Variants in COL16A1 observed in about 807,000 individuals in gnomAD.
COL16A1 encodes collagen type XVI alpha 1 chain.
COL16A1 carries 189 observed loss-of-function variants against 266.3 expected under a neutral mutation model. The observed-to-expected ratio is 0.71, with a 90% CI of 0.63 to 0.80. The LOEUF is 0.80. COL16A1 is among the 30% of genes least tolerant of loss of function. The pLI, the probability that COL16A1 is intolerant of heterozygous loss-of-function variation, is 0.00. For synonymous variants in COL16A1, 740 were observed against 782.3 expected (o/e 0.95, Z 0.90); for missense variants, 1,928 against 2,122.4 (o/e 0.91, Z 1.80).
chr1:31,662,192 G>A (rs1641728779), intron 58 of COL16A1, 142 bp downstream of exon 58: 2 of 1,465,684 alleles, frequency 1.4e-6, no homozygotes, highest in Non-Finnish European at 1.9e-6. Flanking sequence ...TGGGGTAGAG[G>A]GAGACAGACC....
Position 31,703,999 on chromosome 1 carries a change from C to CGCACGCCTG in COL16A1, c.-206_-198dup, listed in dbSNP as rs1644812253. 1 of 152,444 alleles carries CGCACGCCTG rather than the reference C, an allele frequency of 6.6e-6. No individual in the cohort carries two copies. Among genetic ancestry groups the CGCACGCCTG allele is most frequent in the Non-Finnish European group, 1.5e-5 (1 of 68,220 alleles). The allele number at this position is 152,444 out of a possible 1,614,324, so 9.4% of individuals were successfully genotyped here. On this transcript the variant is annotated 5_prime_UTR_variant, in exon 1 of 71. Transcript: ENST00000373672. ...GCTCTCCCGGCTGTCTGCTGCCCGG[C>CGCACGCCTG]GCACGCCTGCCGGGGACTGCCGGCC... is the stretch of plus-strand genomic sequence containing the variant.
chr1:31,668,892 G>A lies in COL16A1; in HGVS notation c.3196-37C>T, dbSNP rs1263168221. On this transcript the variant is annotated intron_variant, in intron 49 of 70. Coordinates refer to ENST00000373672, the MANE Select transcript of COL16A1 (RefSeq NM_001856.4). This position sits in a 1 kb window ranked among gnomAD's most constrained non-coding sequence, Gnocchi z 5.8. ...AAATCATGAGAAACTGCAGGAGCCG[G>A]CGGTCCCCACCCAGCCCCTGACTCC... The A allele has an allele frequency of 1.3e-6, 2 of 1,598,720 alleles. No individual in the cohort carries two copies. The highest frequency in any genetic ancestry group is 2.2e-5 in the East Asian group (1 of 44,720).
chr1:31,675,117 G>A (rs1478038064), intron 43 of COL16A1, 78 bp from the exon 44 acceptor site: 2 of 1,610,984 alleles, frequency 1.2e-6, no homozygotes, highest in Admixed American at 3.4e-5. Flanking sequence ...GAGAGCCTTG[G>A]GACACGTCAT....
intron 47 of COL16A1, among the ~76,000 whole-genome samples, chr1:31,672,164 C>T (rs1004819932): frequency 6.6e-6 from 1 of 152,102 alleles, no homozygotes; most frequent in Non-Finnish European, 1.5e-5. Flanking sequence ...ACATTTGAGC[C>T]GAGCTGAAGG....
In COL16A1 at chr1:31,686,297, A is replaced by C. The variant is rs1643971179; in HGVS notation, c.1804-18T>G. Reference sequence around the variant, plus strand: ...AAGTTACCCTGAGAGAAAGCACAGAAACCATGATTAAAGAGGGGATGGAGT... The same window carrying C: ...AAGTTACCCTGAGAGAAAGCACAGACACCATGATTAAAGAGGGGATGGAGT... On this transcript the variant is annotated intron_variant, in intron 26 of 70. Transcript: ENST00000373672. The C allele has an allele frequency of 1.2e-6, 2 of 1,614,102 alleles. No homozygotes were observed. The highest frequency in any genetic ancestry group is 2.7e-5 in the African/African-American group (2 of 74,920).
intron 42 of COL16A1, among the ~76,000 whole-genome samples, chr1:31,676,463 C>T (rs893656735): frequency 1.7e-4 from 26 of 152,156 alleles, no homozygotes; most frequent in Non-Finnish European, 5.9e-5. Context: ...AGCATCATTC[C>T]TCAACAGACA....
rs1557622124 is a variant in COL16A1 at position 31,664,564 on chromosome 1, C to T, written c.3555+608G>A. Among the ~76,000 whole-genome samples, 1 of 152,172 alleles carries T rather than the reference C, an allele frequency of 6.6e-6. No individual in the cohort carries two copies. Among genetic ancestry groups the T allele is most frequent in the African/African-American group, 2.4e-5 (1 of 41,452 alleles). ...GTTGGGCCGAGACAGGGATGTCAGC[C>T]CCAAGCCAAGGCAGAGCCATGTCTC... On this transcript the variant is annotated intron_variant, in intron 56 of 70. Coordinates refer to ENST00000373672, the MANE Select transcript of COL16A1 (RefSeq NM_001856.4). The surrounding 1 kb of genome is among the most constrained non-coding windows in gnomAD (Gnocchi z 5.5).
rs1205299939 is a variant in COL16A1 at position 31,702,183 on chromosome 1, GAT to G, written c.9_10del (p.Ser4LeufsTer38). Reference sequence around the variant, plus strand: ...GAGCAGCCACAGGCCAGGAGCCCAGGATACCCACATCCCGGTCCAAAGAGGTC... The same window carrying G: ...GAGCAGCCACAGGCCAGGAGCCCAGGACCCACATCCCGGTCCAAAGAGGTC... On this transcript the variant is annotated frameshift_variant, in exon 2 of 71. Coordinates refer to ENST00000373672, the MANE Select transcript of COL16A1 (RefSeq NM_001856.4). LOFTEE classifies it high-confidence loss of function. 5.6e-6 allele frequency: 9 copies of G among 1,613,996 alleles called. No individual in the cohort carries two copies. The highest frequency in any genetic ancestry group is 7.6e-6 in the Non-Finnish European group (9 of 1,179,998).
chr1:31,684,469 CT>C (rs1643874191), intron 31 of COL16A1, 53 bp downstream of exon 31: 1 of 1,585,214 alleles, frequency 6.3e-7, no homozygotes, highest in Non-Finnish European at 8.6e-7. Flanking sequence ...GGTGCGACAC[CT>C]GATTTTTTTT....
chr1:31,657,423 C>T lies in COL16A1; in HGVS notation c.4021-355G>A. ...TGAACACATGAACAGCCTGAGCCGGCCCCCTCCCTGAGACCAGCAAGGCAG... is the reference window on the plus strand; with the variant it reads ...TGAACACATGAACAGCCTGAGCCGGTCCCCTCCCTGAGACCAGCAAGGCAG... On this transcript the variant is annotated intron_variant, in intron 64 of 70. Transcript: ENST00000373672. The surrounding 1 kb of genome is among the most constrained non-coding windows in gnomAD (Gnocchi z 6.4). The T allele has an allele frequency of 8.1e-6, 2 of 247,900 alleles. No homozygotes were observed. The highest frequency in any genetic ancestry group is 1.6e-5 in the Non-Finnish European group (2 of 128,018). The allele number at this position is 247,900 out of a possible 1,614,324, so 15.4% of individuals were successfully genotyped here. A position where few individuals can be genotyped will look rare whatever the true frequency, so the allele number is the denominator to read the frequency against.
At position 31,672,794 on chromosome 1, in the gene COL16A1, T is replaced by C. The variant is rs778004436; in HGVS notation, c.2906A>G (p.Tyr969Cys). 1.9e-6 allele frequency: 3 copies of C among 1,614,076 alleles called. No homozygotes were observed. In the East Asian group the frequency reaches 6.7e-5, roughly 36 times the overall value. Residue 969 changes from tyrosine (Y) to cysteine (C), a missense_variant, in exon 45 of 71, where the codon TAC becomes TGC. This residue lies in a region of COL16A1 where 1,552 missense variants were observed against 1,637.2 expected (regional missense o/e 0.95). Transcript: ENST00000373672. The stretch of plus-strand genomic sequence containing the variant: ...TCCCTTCTCTCCCTTCTCCACGAGG[T>C]ACCCTGGGTGGGCCCTCTGCCCCTG... ...CVQGQRAHPG[Y>C]LVEKGEKGDQ...
chr1:31,682,150 C>T (rs1208295853), intron 37 of COL16A1, among the ~76,000 whole-genome samples: 3 of 152,164 alleles, frequency 2.0e-5, no homozygotes, highest in African/African-American at 4.8e-5. Flanking sequence ...AAAATTCTAG[C>T]GGGTTCATGT....
intron 42 of COL16A1, 34 bp downstream of exon 42, chr1:31,679,598 C>T: frequency 6.2e-7 from 1 of 1,614,210 alleles, no homozygotes; most frequent in Non-Finnish European, 8.5e-7. Flanking sequence ...TGAGCTCTGC[C>T]ACCCAAGCTC....
rs1407858879 is a variant in COL16A1, at chr1:31,686,322, T to C, written c.1804-43A>G. ...AACCATGATTAAAGAGGGGATGGAGTCTGGGTGCTAGAGCAATCCCAAACC... is the reference window on the plus strand; with the variant it reads ...AACCATGATTAAAGAGGGGATGGAGCCTGGGTGCTAGAGCAATCCCAAACC... On this transcript the variant is annotated intron_variant, in intron 26 of 70. Transcript: ENST00000373672. The C allele has an allele frequency of 6.8e-6, 11 of 1,613,546 alleles. No individual in the cohort carries two copies. The Admixed American group carries it at 1.3e-4, about 20-fold the overall frequency.
chr1:31,690,505 C>T (rs764783659), intron 21 of COL16A1, 24 bp downstream of exon 21: 4 of 1,613,940 alleles, frequency 2.5e-6, no homozygotes, highest in Non-Finnish European at 3.4e-6. Context: ...GCCGACCCTC[C>T]CCCGCTGGAT....
At chr1:31,695,138 ACTCCCGG>A (rs775593996) in intron 11 of COL16A1, 41 bp downstream of exon 11, 18 of 1,607,294 alleles carry the variant, frequency 1.1e-5, no homozygotes, top group Non-Finnish European at 1.5e-5. Context: ...GGCAACGTCC[ACTCCCGG>A]CTCTTGCCCG....
intron 37 of COL16A1, 130 bp from the exon 38 acceptor site, chr1:31,681,197 C>T: frequency 7.6e-7 from 1 of 1,314,868 alleles, no homozygotes; most frequent in Non-Finnish European, 1.0e-6. Context: ...GCCGAGGGCC[C>T]ACGTTCCAGA....
intron 61 of COL16A1, among the ~76,000 whole-genome samples, chr1:31,660,860 C>G (rs917612463): frequency 6.6e-6 from 1 of 152,232 alleles, no homozygotes; most frequent in Non-Finnish European, 1.5e-5. Context: ...GTTGGTGACC[C>G]AGTAACCTCC....
In COL16A1 at chr1:31,698,489, A is replaced by G. The variant is rs753838372; in HGVS notation, c.384T>C (p.Tyr128=). ...YLFQVTDANG[Y]PQISLEVNSQ... ...GGGCACAGGGGAGGTTCACCTGTGGATACCCATTTGCATCGGTCACTTGAA... is the reference window on the plus strand; with the variant it reads ...GGGCACAGGGGAGGTTCACCTGTGGGTACCCATTTGCATCGGTCACTTGAA... Residue 128 remains tyrosine (Y), a synonymous_variant, in exon 5 of 71, where the codon TAT becomes TAC. Transcript: ENST00000373672. The surrounding 1 kb of genome is among the most constrained non-coding windows in gnomAD (Gnocchi z 4.1). The G allele has an allele frequency of 6.2e-7, 1 of 1,614,044 alleles. No homozygotes were observed. Among genetic ancestry groups the G allele is most frequent in the African/African-American group, 1.3e-5 (1 of 74,918 alleles).
Sources: allele counts gnomAD v4.1 joint callset (sites outside exome capture counted in the v4.1 genomes callset), GRCh38; gene constraint gnomAD v4.1.1; regional missense constraint gnomAD v4.1.1; non-coding constraint Gnocchi (gnomAD v3.1); transcripts MANE v1.5; gene names NCBI Gene and HGNC (gene_info 2026-07-23, HGNC 2026-07-21).